The following DPP10 variants were observed in gnomAD, a reference collection of about 807,000 sequenced individuals.
The protein encoded by DPP10 is dipeptidyl peptidase like 10.
A neutral mutation model predicts 120.9 loss-of-function variants in DPP10; 33 were observed. That is an observed-to-expected ratio of 0.27 (90% CI 0.21 to 0.37). The LOEUF (loss-of-function observed/expected upper bound fraction) is 0.37. DPP10 is among the 10% of genes least tolerant of loss of function. DPP10 has a pLI of 1.00. For missense variants in DPP10, 816 were observed against 942.8 expected (o/e 0.87, Z 1.76); for synonymous variants, 337 against 326.1 (o/e 1.03, Z -0.36).
intron 3 of DPP10, among the ~76,000 whole-genome samples, chr2:115,433,125 C>T (rs1475759934): frequency 2.6e-5 from 4 of 151,996 alleles, no homozygotes; most frequent in South Asian, 2.1e-4. Context: ...ACAGTCATAG[C>T]TAGAGAATTC....
At chr2:114,794,795 A>T (rs1683558272) in intron 1 of DPP10, among the ~76,000 whole-genome samples, 1 of 152,226 alleles carries the variant, frequency 6.6e-6, no homozygotes, top group African/African-American at 2.4e-5. Context: ...TTATAAACGC[A>T]TTCTCAGTTC....
In DPP10 at chr2:115,711,369, T is replaced by C. The variant is rs1490518070; in HGVS notation, c.577-16447T>C. Among the ~76,000 whole-genome samples, 5 of 152,276 alleles carry C rather than the reference T, an allele frequency of 3.3e-5. No individual in the cohort carries two copies. The East Asian group carries it at 9.7e-4, about 29-fold the overall frequency. ...GAGGGATACACATAAAGAATGGGAT[T>C]GTCTTGGTTGACCTGGAATGCTACA... On this transcript the variant is annotated intron_variant, in intron 7 of 25. Transcript: ENST00000410059.
intron 5 of DPP10, among the ~76,000 whole-genome samples, chr2:115,647,416 G>A (rs1441292470): frequency 6.6e-6 from 1 of 152,042 alleles, no homozygotes; most frequent in African/African-American, 2.4e-5. Context: ...TTAGCAGCTG[G>A]TATGTACTAA....
intron 5 of DPP10, among the ~76,000 whole-genome samples, chr2:115,622,495 G>C (rs2085025506): frequency 8.0e-6 from 1 of 124,784 alleles, no homozygotes; most frequent in Non-Finnish European, 1.7e-5. Flanking sequence ...GTTTTTCAGT[G>C]TTTCATTTTA....
At chr2:115,025,545 A>G (rs576374599) in intron 1 of DPP10, among the ~76,000 whole-genome samples, 4 of 152,188 alleles carry the variant, frequency 2.6e-5, no homozygotes, top group Non-Finnish European at 5.9e-5. Flanking sequence ...ATCATACGGT[A>G]ATTCTATTTT....
chr2:115,033,057 G>C (rs1394933549), intron 1 of DPP10, among the ~76,000 whole-genome samples: 3 of 152,052 alleles, frequency 2.0e-5, no homozygotes, highest in Admixed American at 1.3e-4. Flanking sequence ...GTCAGTCCTT[G>C]CAGGGCACTT....
At chr2:114,481,028 A>G (rs902778843) in intron 1 of DPP10, among the ~76,000 whole-genome samples, 3 of 144,626 alleles carry the variant, frequency 2.1e-5, no homozygotes, top group African/African-American at 5.6e-5. Context: ...CAGTTAGGGG[A>G]AAAAAAAACA....
chr2:114,863,392 TG>T (rs1178879471), intron 1 of DPP10, among the ~76,000 whole-genome samples: 1 of 152,170 alleles, frequency 6.6e-6, no homozygotes, highest in Non-Finnish European at 1.5e-5. Context: ...AAAGTAAAGT[TG>T]GGTGGGACTG....
intron 1 of DPP10, among the ~76,000 whole-genome samples, chr2:114,736,389 T>C (rs1677440419): frequency 6.6e-6 from 1 of 152,208 alleles, no homozygotes; most frequent in Non-Finnish European, 1.5e-5. Context: ...TTGTTATTTC[T>C]TGATAAGCAT....
intron 1 of DPP10, among the ~76,000 whole-genome samples, chr2:114,605,644 G>A (rs1003974504): frequency 7.2e-5 from 11 of 152,078 alleles, no homozygotes; most frequent in African/African-American, 2.7e-4. Flanking sequence ...TGAATGCACA[G>A]GGTTTTAGTG....
intron 1 of DPP10, among the ~76,000 whole-genome samples, chr2:114,486,801 A>G (rs891997416): frequency 2.0e-5 from 3 of 152,122 alleles, no homozygotes; most frequent in Non-Finnish European, 4.4e-5. Flanking sequence ...CTTTTCTTCA[A>G]TTATAGTCAG....
chr2:115,432,501 G>C (rs183833204), intron 3 of DPP10, among the ~76,000 whole-genome samples: 21 of 151,974 alleles, frequency 1.4e-4, no homozygotes, highest in African/African-American at 4.6e-4. Flanking sequence ...GTGACATTAA[G>C]GAATTAGAAA....
chr2:115,271,299 A>G (rs977532013), intron 1 of DPP10, among the ~76,000 whole-genome samples: 2 of 152,176 alleles, frequency 1.3e-5, no homozygotes, highest in Non-Finnish European at 2.9e-5. Flanking sequence ...ACTTGTTGGT[A>G]AGGTCTTGGA....
chr2:115,679,309 A>G (rs945221264), intron 5 of DPP10, among the ~76,000 whole-genome samples: 1 of 151,884 alleles, frequency 6.6e-6, no homozygotes, highest in African/African-American at 2.4e-5. Context: ...GATGGGAGGT[A>G]ATTGAATCAT....
intron 1 of DPP10, among the ~76,000 whole-genome samples, chr2:115,244,083 CT>C: frequency 1.3e-5 from 2 of 150,642 alleles, no homozygotes; most frequent in African/African-American, 4.9e-5. Context: ...AAAATAAATG[CT>C]TAGGACAATA....
intron 1 of DPP10, among the ~76,000 whole-genome samples, chr2:115,198,244 C>G (rs1335497550): frequency 2.0e-5 from 3 of 152,160 alleles, no homozygotes; most frequent in African/African-American, 7.2e-5. Flanking sequence ...CCAGCTCGCT[C>G]AGAGTAGAAG....
At chr2:115,219,357 A>G (rs2057013502) in intron 1 of DPP10, among the ~76,000 whole-genome samples, 1 of 152,094 alleles carries the variant, frequency 6.6e-6, no homozygotes, top group African/African-American at 2.4e-5. Flanking sequence ...ATGAATCATG[A>G]GCATGGTTCA....
chr2:115,532,220 T>C (rs1408955842), intron 5 of DPP10, among the ~76,000 whole-genome samples: 1 of 152,060 alleles, frequency 6.6e-6, no homozygotes, highest in Non-Finnish European at 1.5e-5. Context: ...TGTTTATCAA[T>C]GTAAACCTCC....
At chr2:115,393,246 G>A (rs764070878) in intron 3 of DPP10, among the ~76,000 whole-genome samples, 3 of 151,786 alleles carry the variant, frequency 2.0e-5, no homozygotes, top group Non-Finnish European at 2.9e-5. Context: ...CCAAGAGGTG[G>A]AGGTTGCAAT....
Sources: allele counts gnomAD v4.1 joint callset (sites outside exome capture counted in the v4.1 genomes callset), GRCh38; gene constraint gnomAD v4.1.1; transcripts MANE v1.5; gene names NCBI Gene and HGNC (gene_info 2026-07-23, HGNC 2026-07-21).